The following ENOX2 variants were observed in gnomAD, a reference collection of about 807,000 sequenced individuals.
ENOX2 encodes the protein APK1 antigen.
A neutral mutation model predicts 45.0 loss-of-function variants in ENOX2; 36 were observed. That is an observed-to-expected ratio of 0.80 (90% CI 0.61 to 1.06). ENOX2 has a LOEUF of 1.06. ENOX2 is among the 50% of genes least tolerant of loss of function. The pLI, the probability that ENOX2 is intolerant of heterozygous loss-of-function variation, is 0.00. For missense variants in ENOX2, 423 were observed against 462.5 expected (o/e 0.91, Z 0.78); for synonymous variants, 174 against 152.3 (o/e 1.14, Z -1.05).
chrX:130,652,373 G>A, intron 10 of ENOX2, among the ~76,000 whole-genome samples: 1 of 111,210 alleles, frequency 9.0e-6, no homozygotes, highest in Non-Finnish European at 1.9e-5. Context: ...CCAACCTTTT[G>A]CTCTTCTTTC....
intron 2 of ENOX2, among the ~76,000 whole-genome samples, chrX:130,800,005 A>G (rs1266459045): frequency 9.0e-6 from 1 of 111,582 alleles, no homozygotes; most frequent in Admixed American, 9.5e-5. Flanking sequence ...AAATACCAAT[A>G]TATCTTCTAA....
intron 5 of ENOX2, among the ~76,000 whole-genome samples, chrX:130,687,861 T>G (rs1235185387): frequency 8.9e-6 from 1 of 112,205 alleles, no homozygotes; most frequent in African/African-American, 3.2e-5. Context: ...CCATACTAAG[T>G]AAAATCTGGG....
chrX:130,627,167 T>C (rs1417029984), intron 14 of ENOX2, among the ~76,000 whole-genome samples: 5 of 111,850 alleles, frequency 4.5e-5, no homozygotes, highest in Non-Finnish European at 9.4e-5. Context: ...CTTTTTTTTT[T>C]GGCACCTGCC....
At chrX:130,870,625 G>C (rs978367126) in intron 2 of ENOX2, among the ~76,000 whole-genome samples, 1 of 111,432 alleles carries the variant, frequency 9.0e-6, no homozygotes, top group Admixed American at 9.6e-5. Flanking sequence ...GTTACAAGGA[G>C]AAAGTACAAA....
intron 9 of ENOX2, among the ~76,000 whole-genome samples, chrX:130,658,417 C>A (rs1185283576): frequency 9.0e-6 from 1 of 111,452 alleles, no homozygotes; most frequent in African/African-American, 3.3e-5. Context: ...ATCTAAGATA[C>A]ATGTAAATAA....
intron 2 of ENOX2, among the ~76,000 whole-genome samples, chrX:130,877,316 A>ACGAAATGC (rs2078724116): frequency 8.9e-6 from 1 of 112,037 alleles, no homozygotes; most frequent in African/African-American, 3.2e-5. Flanking sequence ...CTGCAGGTTT[A>ACGAAATGC]AGGGTAGCAT....
At chrX:130,709,798 G>A (rs186031363) in intron 3 of ENOX2, among the ~76,000 whole-genome samples, 2 of 109,371 alleles carry the variant, frequency 1.8e-5, no homozygotes, top group African/African-American at 6.7e-5. Flanking sequence ...TTAAGTTCTG[G>A]GATACATGTG....
chrX:130,811,163 A>C (rs1214447830), intron 2 of ENOX2, among the ~76,000 whole-genome samples: 1 of 110,836 alleles, frequency 9.0e-6, no homozygotes, highest in Non-Finnish European at 1.9e-5. Context: ...TAGGCTCACC[A>C]CAGTGCCAGA....
At chrX:130,630,556 CA>C (rs1161082363) in intron 13 of ENOX2, among the ~76,000 whole-genome samples, 1 of 111,214 alleles carries the variant, frequency 9.0e-6, no homozygotes, top group African/African-American at 3.3e-5. Flanking sequence ...GATGCGCACC[CA>C]AAAATGTATA....
chrX:130,783,501 T>C (rs2076924103), intron 3 of ENOX2, 46 bp downstream of exon 3: 3 of 318,790 alleles, frequency 9.4e-6, no homozygotes, highest in Admixed American at 6.7e-5. Flanking sequence ...TGGGAAAATG[T>C]TGACTCTGGT....
At chrX:130,872,846 C>G (rs1378561185) in intron 2 of ENOX2, among the ~76,000 whole-genome samples, 2 of 111,515 alleles carry the variant, frequency 1.8e-5, no homozygotes, top group Non-Finnish European at 3.8e-5. Flanking sequence ...TAGCCATATG[C>G]AGAAAACTGA....
chrX:130,633,284 A>G (rs767028352), intron 12 of ENOX2, among the ~76,000 whole-genome samples: 2 of 111,859 alleles, frequency 1.8e-5, no homozygotes, highest in Non-Finnish European at 3.8e-5. Flanking sequence ...ACCAAAACTT[A>G]TTGCTTTCCT....
intron 14 of ENOX2, among the ~76,000 whole-genome samples, chrX:130,627,356 G>A (rs192806885): frequency 1.6e-4 from 18 of 111,930 alleles, no homozygotes; most frequent in Non-Finnish European, 1.1e-4. Context: ...CGAGGCAGGC[G>A]GCTTGCTTGA....
intron 2 of ENOX2, among the ~76,000 whole-genome samples, chrX:130,824,114 A>AC (rs2077670833): frequency 8.9e-6 from 1 of 112,327 alleles, no homozygotes; most frequent in African/African-American, 3.2e-5. Flanking sequence ...ATAGCTGTTG[A>AC]TAAAGGAACT....
intron 3 of ENOX2, among the ~76,000 whole-genome samples, chrX:130,755,702 C>T (rs2039338186): frequency 9.0e-6 from 1 of 110,944 alleles, no homozygotes. Context: ...GGTATCCATC[C>T]CCTCAGGCAC....
chrX:130,767,103 G>T (rs769027663), intron 3 of ENOX2, among the ~76,000 whole-genome samples: 8 of 111,520 alleles, frequency 7.2e-5, no homozygotes, highest in African/African-American at 2.6e-4. Context: ...GTTACTGGGT[G>T]GGGTGAGGTA....
At chrX:130,695,542 G>A (rs2037734517) in intron 4 of ENOX2, among the ~76,000 whole-genome samples, 1 of 111,246 alleles carries the variant, frequency 9.0e-6, no homozygotes, top group Non-Finnish European at 1.9e-5. Context: ...GTGTTCCAGA[G>A]ACCCCTGAGC....
chrX:130,762,090 G>A (rs2039503443), intron 3 of ENOX2, among the ~76,000 whole-genome samples: 1 of 110,872 alleles, frequency 9.0e-6, no homozygotes, highest in Non-Finnish European at 1.9e-5. Context: ...TTCTTCCTCC[G>A]TCTTGATTTT....
chrX:130,761,567 T>C (rs1406552273), intron 3 of ENOX2, among the ~76,000 whole-genome samples: 9 of 111,996 alleles, frequency 8.0e-5, no homozygotes, highest in Non-Finnish European at 1.7e-4. Flanking sequence ...TGACTCATCG[T>C]ACTGCAAACT....
Sources: gnomAD v4.1 joint callset for allele counts (sites outside exome capture counted in the v4.1 genomes callset) on GRCh38, gnomAD v4.1.1 for gene constraint, MANE v1.5 for transcripts, NCBI Gene and HGNC (gene_info 2026-07-23, HGNC 2026-07-21) for gene names.